The following ASIC2 variants were observed in gnomAD, a reference collection of about 807,000 sequenced individuals.
ASIC2 encodes the protein acid sensing ion channel subunit 2, also known as acid-sensing ion channel 2.
In ASIC2, 25 loss-of-function variants were observed where a neutral mutation model predicts 57.3. That is an observed-to-expected ratio of 0.44 (90% CI 0.32 to 0.61). The LOEUF (loss-of-function observed/expected upper bound fraction) is 0.61. ASIC2 is among the 20% of genes least tolerant of loss of function. ASIC2 has a pLI of 0.06. For missense variants in ASIC2, 641 were observed against 738.1 expected (o/e 0.87, Z 1.52); for synonymous variants, 319 against 307.5 (o/e 1.04, Z -0.39).
rs1437340912 is a variant in ASIC2, at chr17:33,291,984, G to C, written c.132C>G (p.Gly44=). 4 of 1,281,974 alleles carry C rather than the reference G, an allele frequency of 3.1e-6. No homozygotes were observed. The African/African-American group carries it at 6.2e-5, about 20-fold the overall frequency. 79.4% of individuals were successfully genotyped at this position (1,281,974 alleles called of 1,614,324 possible). A position where few individuals can be genotyped will look rare whatever the true frequency, so the allele number is the denominator to read the frequency against. Residue 44 remains glycine (G), a synonymous_variant, in exon 1 of 10, where the codon GGC becomes GGG. Coordinates refer to ENST00000225823, the MANE Select transcript of ASIC2 (RefSeq NM_183377.2). ...CCCCTGGCCCCTGCAGCGCCCGCTCGCCGCCTCTGCCGCCCCCGGGCTGCC... is the reference window on the plus strand; with the variant it reads ...CCCCTGGCCCCTGCAGCGCCCGCTCCCCGCCTCTGCCGCCCCCGGGCTGCC... The part of the protein sequence containing the change: ...AAGQPGGGRG[G]ERALQGPGVA...
intron 1 of ASIC2, among the ~76,000 whole-genome samples, chr17:33,154,150 C>T (rs1461675300): frequency 6.6e-6 from 1 of 152,178 alleles, no homozygotes; most frequent in Non-Finnish European, 1.5e-5. Flanking sequence ...CAAACCCAAC[C>T]TCAGACAATG....
chr17:33,799,377 CCTTT>C (rs150337011), intron 1 of ASIC2, among the ~76,000 whole-genome samples: 1,850 of 40,892 alleles, frequency 0.045, 52 homozygotes, highest in African/African-American at 0.08. Flanking sequence ...TTTCTTTCTT[CCTTT>C]CTTTCTTTCT....
chr17:33,635,941 TAA>T (rs1906347629), intron 1 of ASIC2, among the ~76,000 whole-genome samples: 1 of 152,210 alleles, frequency 6.6e-6, no homozygotes, highest in Admixed American at 6.5e-5. Context: ...AAGGACTAGA[TAA>T]ACAGAATGGA....
chr17:33,443,957 C>T (rs1036638398), intron 1 of ASIC2, among the ~76,000 whole-genome samples: 6 of 152,138 alleles, frequency 3.9e-5, no homozygotes, highest in Non-Finnish European at 8.8e-5. Context: ...CCAGCACTTG[C>T]GCTCAAACAA....
Position 34,153,645 on chromosome 17 carries a change from G to A in ASIC2, c.555+2333C>T, listed in dbSNP as rs547704320. On this transcript the variant is annotated intron_variant, in intron 1 of 9. Coordinates refer to the ASIC2 transcript ENST00000359872. Reference sequence around the variant, plus strand: ...AGACCAGCCTCCCTGCTGGAGCCTCGTTGGGCTGTCCTGGAGTAGATGCTT... The same window carrying A: ...AGACCAGCCTCCCTGCTGGAGCCTCATTGGGCTGTCCTGGAGTAGATGCTT... Among the ~76,000 whole-genome samples the A allele has an allele frequency of 9.2e-5, 14 of 152,300 alleles. No homozygotes were observed. In the East Asian group the frequency reaches 1.5e-3, roughly 17 times the overall value.
chr17:34,008,371 T>A (rs1906599338), intron 1 of ASIC2, among the ~76,000 whole-genome samples: 1 of 152,188 alleles, frequency 6.6e-6, no homozygotes, highest in Non-Finnish European at 1.5e-5. Flanking sequence ...TACAGCTTGT[T>A]AAGATTGAGG....
chr17:33,683,767 T>G (rs533848563), intron 1 of ASIC2, among the ~76,000 whole-genome samples: 114 of 152,258 alleles, frequency 7.5e-4, no homozygotes, highest in Middle Eastern at 3.4e-3. Flanking sequence ...GGTCTCAAAC[T>G]CCTGGGCTCA....
At position 33,066,623 on chromosome 17, in the gene ASIC2, C is replaced by A. The variant is rs150763477; in HGVS notation, c.987+22240G>T. Among the ~76,000 whole-genome samples, 370 of 152,218 alleles carry A rather than the reference C, an allele frequency of 2.4e-3. 2 individuals carry two copies. The highest frequency in any genetic ancestry group is 4.1e-3 in the Non-Finnish European group (279 of 68,022). ...CCAGTGCCTTCACTTTACAGATGGACAATTTGAAGACCTATAGAGGAAAAG... is the reference window on the plus strand; with the variant it reads ...CCAGTGCCTTCACTTTACAGATGGAAAATTTGAAGACCTATAGAGGAAAAG... On this transcript the variant is annotated intron_variant, in intron 3 of 9. Coordinates refer to ENST00000225823, the MANE Select transcript of ASIC2 (RefSeq NM_183377.2).
intron 1 of ASIC2, among the ~76,000 whole-genome samples, chr17:33,425,243 C>CTGCA (rs1911177044): frequency 6.6e-6 from 1 of 152,194 alleles, no homozygotes; most frequent in Non-Finnish European, 1.5e-5. Flanking sequence ...TGCTAGGGCA[C>CTGCA]TGCATGGTGC....
chr17:33,432,407 T>G (rs145753394), intron 1 of ASIC2, among the ~76,000 whole-genome samples: 71 of 152,246 alleles, frequency 4.7e-4, no homozygotes, highest in African/African-American at 1.5e-3. Context: ...TCCCAGCTAC[T>G]CGGGAGACTC....
intron 1 of ASIC2, among the ~76,000 whole-genome samples, chr17:34,058,532 C>G (rs1183654021): frequency 6.6e-6 from 1 of 152,216 alleles, no homozygotes; most frequent in Non-Finnish European, 1.5e-5. Context: ...CTCAGACTTT[C>G]ATTCCTGTAG....
At chr17:33,369,070 T>C (rs1002297473) in intron 1 of ASIC2, among the ~76,000 whole-genome samples, 1 of 152,106 alleles carries the variant, frequency 6.6e-6, no homozygotes, top group African/African-American at 2.4e-5. Context: ...AGATTATCCT[T>C]GGTGGTGAAT....
At chr17:33,476,492 A>AGT (rs70958612) in intron 1 of ASIC2, among the ~76,000 whole-genome samples, 69 of 74,336 alleles carry the variant, frequency 9.3e-4, no homozygotes, top group African/African-American at 2.9e-3. Context: ...CCTTTTGCAA[A>AGT]GTGTGTGTGT....
chr17:33,183,450 G>A (rs796870220), intron 1 of ASIC2, among the ~76,000 whole-genome samples: 11 of 152,302 alleles, frequency 7.2e-5, no homozygotes, highest in African/African-American at 2.6e-4. Context: ...GTAATTAATT[G>A]CTGGACTCAG....
intron 1 of ASIC2, among the ~76,000 whole-genome samples, chr17:34,128,584 A>G (rs932832797): frequency 2.0e-5 from 3 of 151,872 alleles, no homozygotes; most frequent in African/African-American, 2.4e-5. Context: ...GAGAAGGGAA[A>G]AAGTCCCTGC....
At position 34,028,073 on chromosome 17, in the gene ASIC2, A is replaced by G. The variant is rs73278500; in HGVS notation, c.555+127905T>C. On this transcript the variant is annotated intron_variant, in intron 1 of 9. Coordinates refer to the ASIC2 transcript ENST00000359872. Reference sequence around the variant, plus strand: ...GGTGAGTTTTCACAGCTTGAAAAGAATGGAGCAGAATATAGTACGTAGGTA... The same window carrying G: ...GGTGAGTTTTCACAGCTTGAAAAGAGTGGAGCAGAATATAGTACGTAGGTA... Among the ~76,000 whole-genome samples the G allele has an allele frequency of 3.4e-3, 517 of 152,368 alleles. 6 individuals are homozygous for G. Among genetic ancestry groups the G allele is most frequent in the African/African-American group, 0.012 (505 of 41,590 alleles).
intron 1 of ASIC2, among the ~76,000 whole-genome samples, chr17:34,149,174 A>G (rs762337167): frequency 3.5e-5 from 5 of 143,404 alleles, no homozygotes; most frequent in Admixed American, 7.2e-5. Context: ...TGGTGTGATC[A>G]TGGCTCCCTG....
At chr17:33,156,760 AAAAC>A (rs1487050299) in intron 1 of ASIC2, among the ~76,000 whole-genome samples, 57 of 152,256 alleles carry the variant, frequency 3.7e-4, no homozygotes, top group African/African-American at 1.3e-3. Context: ...CATTTCAAAA[AAAAC>A]AAAAACAAAC....
intron 1 of ASIC2, among the ~76,000 whole-genome samples, chr17:33,560,259 C>G (rs1294445523): frequency 6.6e-6 from 1 of 152,244 alleles, no homozygotes; most frequent in East Asian, 1.9e-4. Flanking sequence ...GAAGAGAAAA[C>G]AGATCGATAG....
Sources: allele counts gnomAD v4.1 joint callset (sites outside exome capture counted in the v4.1 genomes callset), GRCh38; gene constraint gnomAD v4.1.1; transcripts MANE v1.5; gene names NCBI Gene and HGNC (gene_info 2026-07-23, HGNC 2026-07-21).